The following TFRC variants were observed in gnomAD, a reference collection of about 807,000 sequenced individuals.
TFRC encodes transferrin receptor protein 1.
A neutral mutation model predicts 85.8 loss-of-function variants in TFRC; 35 were observed. The ratio of observed to expected loss-of-function variants is 0.41; its 90% confidence interval spans 0.31 to 0.54. The LOEUF (loss-of-function observed/expected upper bound fraction) is 0.54. TFRC is among the 20% of genes least tolerant of loss of function. The pLI is 0.31. For missense variants in TFRC, 828 were observed against 921.5 expected, an observed-to-expected ratio of 0.90 and a Z score of 1.31; for synonymous variants, 362 against 328.6, an observed-to-expected ratio of 1.10 and a Z score of -1.10.
At chr3:196,055,438 A>C in intron 16 of TFRC, 137 bp from the exon 17 acceptor site, 1 of 677,490 alleles carries the variant, frequency 1.5e-6, no homozygotes, top group East Asian at 2.7e-5. Context: ...ATTTACCCCA[A>C]TTCTATCTCA....
chr3:196,058,523 G>T (rs751824052), intron 15 of TFRC, 51 bp downstream of exon 15: 3 of 1,555,498 alleles, frequency 1.9e-6, no homozygotes, highest in Non-Finnish European at 2.6e-6. Context: ...AATGTAGTAG[G>T]TAGAATCTCT....
At chr3:196,080,143 G>A (rs1421404622) in intron 1 of TFRC, among the ~76,000 whole-genome samples, 2 of 152,260 alleles carry the variant, frequency 1.3e-5, no homozygotes, top group African/African-American at 2.4e-5. Context: ...TCTCGCTGTC[G>A]CGCAGGCTGG....
chr3:196,069,220 T>C (rs1272027502), intron 7 of TFRC, among the ~76,000 whole-genome samples: 2 of 152,250 alleles, frequency 1.3e-5, no homozygotes, highest in African/African-American at 4.8e-5. Flanking sequence ...TTTAGCTGAA[T>C]TCTGTATATG....
In TFRC at chr3:196,058,558, A is replaced by T. The variant is rs944420825; in HGVS notation, c.1595+16T>A. On this transcript the variant is annotated intron_variant, in intron 15 of 18. Coordinates refer to ENST00000360110, the MANE Select transcript of TFRC (RefSeq NM_001128148.3). ...TGCTTTTCTATTAGTTTGTTCATTC[A>T]CTTTTCTCAACTTACACTTTGCTGG... The T allele has an allele frequency of 6.2e-7, 1 of 1,606,648 alleles. No individual in the cohort carries two copies. The highest frequency in any genetic ancestry group is 8.5e-7 in the Non-Finnish European group (1 of 1,177,422).
intron 6 of TFRC, 150 bp downstream of exon 6, chr3:196,071,246 A>G (rs1206157877): frequency 1.1e-5 from 7 of 615,290 alleles, no homozygotes; most frequent in Middle Eastern, 2.6e-4. Flanking sequence ...AAGACAATGC[A>G]TGTTGACTGT....
At position 196,051,932 on chromosome 3, in the gene TFRC, G is replaced by A. The variant is rs774534222; in HGVS notation, c.*10C>T. ...CCCTGCTGTTCTCATGGAAGCTATG[G>A]GTATCACATTTAAAACTCATTGTCA... On this transcript the variant is annotated 3_prime_UTR_variant, in exon 19 of 19. Transcript: ENST00000360110. The A allele has an allele frequency of 6.2e-7, 1 of 1,613,270 alleles. No individual in the cohort carries two copies. Among genetic ancestry groups the A allele is most frequent in the Non-Finnish European group, 8.5e-7 (1 of 1,179,470 alleles).
chr3:196,078,427 G>C (rs979085669), intron 1 of TFRC, among the ~76,000 whole-genome samples: 2 of 152,150 alleles, frequency 1.3e-5, no homozygotes, highest in African/African-American at 2.4e-5. Context: ...GGGAGGCCGA[G>C]GCAGGTGGAT....
chr3:196,075,072 T>TAAA, intron 3 of TFRC, 87 bp downstream of exon 3: 40 of 788,018 alleles, frequency 5.1e-5, no homozygotes, highest in Admixed American at 9.6e-5. Context: ...AAAAATAAGG[T>TAAA]ACAAAATAAC....
At chr3:196,070,774 A>AAATAATAATAATAAT (rs58386151) in intron 6 of TFRC, among the ~76,000 whole-genome samples, 22,690 of 135,502 alleles carry the variant, frequency 0.17, 2,352 homozygotes, top group Middle Eastern at 0.28. Flanking sequence ...TGTCTCTACC[A>AAATAATAATAATAAT]AATAATAATA....
intron 14 of TFRC, among the ~76,000 whole-genome samples, chr3:196,059,249 G>C (rs1157525090): frequency 6.6e-6 from 1 of 152,178 alleles, no homozygotes; most frequent in Non-Finnish European, 1.5e-5. Flanking sequence ...AGGAGGTGGA[G>C]GCTGCAGTGA....
chr3:196,068,756 T>G (rs1394271286), intron 7 of TFRC, among the ~76,000 whole-genome samples: 1 of 149,612 alleles, frequency 6.7e-6, no homozygotes. Flanking sequence ...CGTGAAACCC[T>G]GTCTCTACTA....
In TFRC at chr3:196,050,486, A is replaced by C; in HGVS notation, c.*1456T>G. On this transcript the variant is annotated 3_prime_UTR_variant, in exon 19 of 19. Coordinates refer to ENST00000360110, the MANE Select transcript of TFRC (RefSeq NM_001128148.3). ...AAAATTATGGGAAACACTGTTCCCG[A>C]TAATTACTTACACCCTTAGTGTAAC... 1 of 204,840 alleles carries C rather than the reference A, an allele frequency of 4.9e-6. No homozygotes were observed. The highest frequency in any genetic ancestry group is 1.0e-5 in the Non-Finnish European group (1 of 99,660). 12.7% of individuals were successfully genotyped at this position (204,840 alleles called of 1,614,324 possible).
intron 9 of TFRC, among the ~76,000 whole-genome samples, chr3:196,066,389 A>T (rs1157770414): frequency 6.6e-6 from 1 of 152,110 alleles, no homozygotes; most frequent in Non-Finnish European, 1.5e-5. Flanking sequence ...CAGGAGGTGG[A>T]GGTTGCAGTG....
At chr3:196,060,466 G>A (rs1717176418) in intron 13 of TFRC, 1 of 515,186 alleles carries the variant, frequency 1.9e-6, no homozygotes, top group Middle Eastern at 5.2e-4. Context: ...TACTCCTTGA[G>A]TTTGCATACT....
At position 196,053,505 on chromosome 3, in the gene TFRC, A is replaced by G; in HGVS notation, c.1953T>C (p.Arg651=). Residue 651 remains arginine, a synonymous_variant, in exon 18 of 19, where the codon CGT becomes CGC. Coordinates refer to ENST00000360110, the MANE Select transcript of TFRC (RefSeq NM_001128148.3). ...WLYSARGDFF[R]ATSRLTTDFG... is the part of the protein sequence containing the mutation. ...AATCTGTTGTTAGTCTGGAAGTAGC[A>G]CGGAAGAAGTCTCCACGAGCAGAAT... is the stretch of plus-strand genomic sequence containing the variant. The G allele has an allele frequency of 6.2e-7, 1 of 1,614,216 alleles. No individual in the cohort carries two copies. The highest frequency in any genetic ancestry group is 2.2e-5 in the East Asian group (1 of 44,880).
At chr3:196,065,108 C>G (rs1170618272) in intron 10 of TFRC, among the ~76,000 whole-genome samples, 1 of 151,664 alleles carries the variant, frequency 6.6e-6, no homozygotes, top group Non-Finnish European at 1.5e-5. Context: ...ACTAAAAATA[C>G]AAAATTAGCC....
chr3:196,073,530 A>T (rs1718408349), intron 4 of TFRC, among the ~76,000 whole-genome samples: 1 of 152,164 alleles, frequency 6.6e-6, no homozygotes, highest in African/African-American at 2.4e-5. Context: ...ATGATCAAGG[A>T]GATGAAAAAG....
intron 6 of TFRC, among the ~76,000 whole-genome samples, 163 bp downstream of exon 6, chr3:196,071,233 G>A (rs1486734663): frequency 6.6e-6 from 1 of 152,186 alleles, no homozygotes; most frequent in African/African-American, 2.4e-5. Flanking sequence ...TGATTAGAGA[G>A]AGAAGACAAT....
chr3:196,053,635 C>A (rs764146496), intron 17 of TFRC, 77 bp from the exon 18 acceptor site: 9 of 1,562,508 alleles, frequency 5.8e-6, no homozygotes, highest in Non-Finnish European at 7.0e-6. Flanking sequence ...ATTTAACGTG[C>A]GTTAAGTAAG....
Sources: allele counts gnomAD v4.1 joint callset (sites outside exome capture counted in the v4.1 genomes callset), GRCh38; gene constraint gnomAD v4.1.1; transcripts MANE v1.5; gene names NCBI Gene and HGNC (gene_info 2026-07-23, HGNC 2026-07-21).